The following TBC1D2B variants were observed in gnomAD, a reference collection of about 807,000 sequenced individuals.
The protein encoded by TBC1D2B is TBC1 domain family, member 2B.
TBC1D2B carries 64 observed loss-of-function variants against 100.8 expected under a neutral mutation model. The observed-to-expected ratio is 0.64, with a 90% CI of 0.52 to 0.78. The LOEUF is 0.78. Ranked by LOEUF, TBC1D2B falls within the 30% of genes least tolerant of loss-of-function variation. TBC1D2B has a pLI of 0.00. For missense variants in TBC1D2B, 1,052 were observed against 1,218.4 expected (o/e 0.86, Z 2.03); for synonymous variants, 480 against 479.7 (o/e 1.00, Z -0.01).
At position 78,024,353 on chromosome 15, in the gene TBC1D2B, C is replaced by T; in HGVS notation, c.1273G>A (p.Glu425Lys). 1 of 1,614,088 alleles carries T rather than the reference C, an allele frequency of 6.2e-7. No individual in the cohort carries two copies. The highest frequency in any genetic ancestry group is 8.5e-7 in the Non-Finnish European group (1 of 1,179,904). The change falls in exon 6 of 13, where the codon GAA becomes AAA. Residue 425 changes from glutamate to lysine, a missense_variant. Physicochemically the swap from Glu to Lys is moderately conservative, Grantham distance 56 (BLOSUM62 1). This residue lies in a region of TBC1D2B where 627 missense variants were observed against 646.1 expected (regional missense o/e 0.97). Coordinates refer to ENST00000300584, the MANE Select transcript of TBC1D2B (RefSeq NM_144572.2). Reference protein sequence around the residue: ...FSLEKESLQQEVRTLKSKVGE... With the variant: ...FSLEKESLQQKVRTLKSKVGE... ...ACTTTGCTCTTCAGCGTCCTTACTT[C>T]CTGCTGAAGACTCTCCTTCTCCAAG...
chr15:78,016,834 C>T, intron 7 of TBC1D2B, 95 bp from the exon 8 acceptor site: 1 of 1,027,824 alleles, frequency 9.7e-7, no homozygotes, highest in Non-Finnish European at 1.4e-6. Flanking sequence ...AAACCCAAAA[C>T]TATTAGGAAG....
intron 3 of TBC1D2B, among the ~76,000 whole-genome samples, chr15:78,035,834 TTC>T (rs2141736193): frequency 6.6e-6 from 1 of 152,362 alleles, no homozygotes; most frequent in East Asian, 1.9e-4. Flanking sequence ...TATAACCGAA[TTC>T]TGTTAGAACA....
rs761490382 is a variant in TBC1D2B at position 78,024,264 on chromosome 15, G to C, written c.1362C>G (p.Ile454Met). The C allele has an allele frequency of 6.2e-7, 1 of 1,613,916 alleles. No individual in the cohort carries two copies. The highest frequency in any genetic ancestry group is 8.5e-7 in the Non-Finnish European group (1 of 1,179,910). Residue 454 changes from isoleucine to methionine, a missense_variant, in exon 6 of 13, where the codon ATC becomes ATG. Physicochemically the swap from Ile to Met is conservative, Grantham distance 10. This residue lies in a region of TBC1D2B where 627 missense variants were observed against 646.1 expected (regional missense o/e 0.97). Transcript: ENST00000300584. Reference protein sequence around the residue: ...METIQAKDEVIIKLSEGEGNG... With the variant: ...METIQAKDEVMIKLSEGEGNG... ...TGCCCTCGCCCTCGCTGAGCTTGAT[G>C]ATGACCTCGTCCTTGGCTTGGATGG... is the stretch of plus-strand genomic sequence containing the variant.
rs1304002750 is a variant in TBC1D2B at position 78,053,417 on chromosome 15, G to C, written c.514+617C>G. Reference sequence around the variant, plus strand: ...ATGTGTTATTTTCCCTGTATGAAGAGTGGGGGCCAAAAAACAGTCCCATCT... The same window carrying C: ...ATGTGTTATTTTCCCTGTATGAAGACTGGGGGCCAAAAAACAGTCCCATCT... On this transcript the variant is annotated intron_variant, in intron 2 of 12. Coordinates refer to ENST00000300584, the MANE Select transcript of TBC1D2B (RefSeq NM_144572.2). Among the ~76,000 whole-genome samples, 6 of 152,176 alleles carry C rather than the reference G, an allele frequency of 3.9e-5. No individual in the cohort carries two copies. In the South Asian group the frequency reaches 1.2e-3, roughly 32 times the overall value.
At chr15:78,047,364 C>T (rs1432228652) in intron 2 of TBC1D2B, among the ~76,000 whole-genome samples, 1 of 151,994 alleles carries the variant, frequency 6.6e-6, no homozygotes, top group Non-Finnish European at 1.5e-5. Context: ...CAGAGCTTTC[C>T]CCGTAAAGGA....
Position 78,013,239 on chromosome 15 carries a change from C to CA in TBC1D2B, c.1853dup (p.Leu618PhefsTer71). ...CTGTGAGGTAGAGAGTCTTCAGATC[C>CA]AACGCGCGGACCTTGGCAACCAATT... is the stretch of plus-strand genomic sequence containing the variant. On this transcript the variant is annotated frameshift_variant, in exon 9 of 13. Transcript: ENST00000300584. LOFTEE classifies it high-confidence loss of function. 2 of 1,613,982 alleles carry CA rather than the reference C, an allele frequency of 1.2e-6. No homozygotes were observed. The highest frequency in any genetic ancestry group is 1.7e-6 in the Non-Finnish European group (2 of 1,179,900).
At chr15:78,012,397 T>C (rs1018295380) in intron 9 of TBC1D2B, among the ~76,000 whole-genome samples, 2 of 152,220 alleles carry the variant, frequency 1.3e-5, no homozygotes, top group Non-Finnish European at 2.9e-5. Context: ...TTTAAGTCCA[T>C]GAAGGGCTAA....
intron 11 of TBC1D2B, among the ~76,000 whole-genome samples, chr15:78,002,215 T>G (rs990468157): frequency 6.6e-6 from 1 of 152,204 alleles, no homozygotes; most frequent in Admixed American, 6.5e-5. Context: ...GATACAGTCT[T>G]GCTCTGCCAC....
intron 10 of TBC1D2B, 82 bp downstream of exon 10, chr15:78,008,915 C>T (rs765967911): frequency 2.0e-6 from 2 of 981,846 alleles, no homozygotes; most frequent in African/African-American, 1.6e-5. Context: ...CAACCCCTCA[C>T]CCTGACCGCA....
chr15:78,014,238 G>C lies in TBC1D2B; in HGVS notation c.1776-921C>G, dbSNP rs1218994150. The stretch of plus-strand genomic sequence containing the variant: ...ACCCATGTTGGGCTACTGACCTACA[G>C]AACTATTAAGTGACAAATTTGTGTT... On this transcript the variant is annotated intron_variant, in intron 8 of 12. Transcript: ENST00000300584. Among the ~76,000 whole-genome samples the C allele has an allele frequency of 2.0e-5, 3 of 152,218 alleles. No homozygotes were observed. In the East Asian group the frequency reaches 5.8e-4, roughly 29 times the overall value.
rs533211593 is a variant in TBC1D2B, at chr15:78,074,168, G to A, written c.360+3125C>T. Among the ~76,000 whole-genome samples the A allele has an allele frequency of 5.3e-5, 8 of 151,782 alleles. No homozygotes were observed. The East Asian group carries it at 1.2e-3, about 22-fold the overall frequency. On this transcript the variant is annotated intron_variant, in intron 1 of 12. Transcript: ENST00000300584. ...CCTCGCGAGCAGCTGGGACTACAGC[G>A]TGCGCCACCATGCCCAGCCAATTTT... is the stretch of plus-strand genomic sequence containing the variant.
At chr15:78,021,729 T>C (rs917706762) in intron 6 of TBC1D2B, among the ~76,000 whole-genome samples, 2 of 151,982 alleles carry the variant, frequency 1.3e-5, no homozygotes, top group South Asian at 2.1e-4. Flanking sequence ...GCTTGTTAAG[T>C]TGTTAAAAAT....
intron 5 of TBC1D2B, 70 bp from the exon 6 acceptor site, chr15:78,024,609 A>G: frequency 7.2e-7 from 1 of 1,390,958 alleles, no homozygotes; most frequent in Non-Finnish European, 9.7e-7. Context: ...AGAAATCATG[A>G]CATTACATGG....
intron 2 of TBC1D2B, among the ~76,000 whole-genome samples, chr15:78,047,367 G>A (rs1032019184): frequency 5.3e-5 from 8 of 152,026 alleles, no homozygotes; most frequent in Admixed American, 1.3e-4. Flanking sequence ...AGCTTTCCCC[G>A]TAAAGGAGAA....
Position 78,016,358 on chromosome 15 carries a change from T to TCCCCGCTCTA in TBC1D2B, c.1775+178_1775+187dup, listed in dbSNP as rs1328185315. Among the ~76,000 whole-genome samples the TCCCCGCTCTA allele has an allele frequency of 2.0e-5, 3 of 152,104 alleles. No individual in the cohort carries two copies. The East Asian group carries it at 5.8e-4, about 29-fold the overall frequency. Reference sequence around the variant, plus strand: ...TTGCAATCAGAAGACCTGTGGTAAGTCCCCGCTCTATGACTTGATTACTAG... The same window carrying TCCCCGCTCTA: ...TTGCAATCAGAAGACCTGTGGTAAGTCCCCGCTCTACCCCGCTCTATGACTTGATTACTAG... On this transcript the variant is annotated intron_variant, in intron 8 of 12. Coordinates refer to ENST00000300584, the MANE Select transcript of TBC1D2B (RefSeq NM_144572.2).
At chr15:78,034,821 C>T in intron 3 of TBC1D2B, 2 of 874,418 alleles carry the variant, frequency 2.3e-6, no homozygotes, top group African/African-American at 1.8e-5. Flanking sequence ...CCTGTTTTTG[C>T]TCTTATGTGG....
chr15:78,006,350 C>T (rs1369291954), intron 10 of TBC1D2B, among the ~76,000 whole-genome samples: 1 of 152,246 alleles, frequency 6.6e-6, no homozygotes, highest in African/African-American at 2.4e-5. Flanking sequence ...ACTGCTGCCT[C>T]TTCCTGTTGC....
In TBC1D2B at chr15:78,013,220, G is replaced by C. The variant is rs753110801; in HGVS notation, c.1873C>G (p.Leu625Val). Residue 625 changes from leucine to valine, a missense_variant, in exon 9 of 13, where the codon CTC becomes GTC. Around this residue, in one of 4 missense-constraint regions of TBC1D2B, gnomAD observed 373 missense variants for 464.9 expected, o/e 0.80. Coordinates refer to ENST00000300584, the MANE Select transcript of TBC1D2B (RefSeq NM_144572.2). ...VRALDLKTLY[L>V]TENQEVSTGV... ...GTGGAGACTTCCTGGTTTTCTGTGA[G>C]GTAGAGAGTCTTCAGATCCAACGCG... The C allele has an allele frequency of 1.2e-6, 2 of 1,614,014 alleles. No individual in the cohort carries two copies. Among genetic ancestry groups the C allele is most frequent in the South Asian group, 1.1e-5 (1 of 91,080 alleles).
At chr15:78,014,479 T>C (rs770330243) in intron 8 of TBC1D2B, among the ~76,000 whole-genome samples, 9 of 152,212 alleles carry the variant, frequency 5.9e-5, no homozygotes, top group Non-Finnish European at 1.0e-4. Flanking sequence ...CATGGGAATA[T>C]GGACCATGAT....
Sources: gnomAD v4.1 joint callset for allele counts (sites outside exome capture counted in the v4.1 genomes callset) on GRCh38, gnomAD v4.1.1 for gene constraint, gnomAD v4.1.1 regional missense constraint, MANE v1.5 for transcripts, NCBI Gene and HGNC (gene_info 2026-07-23, HGNC 2026-07-21) for gene names.